The following PCDH11Y variants were observed in gnomAD, a reference collection of about 807,000 sequenced individuals.
PCDH11Y encodes protocadherin 11 Y-linked.
For synonymous variants in PCDH11Y, 9 were observed against 83.6 expected (o/e 0.11, Z 4.87); for missense variants, 12 against 224.8 (o/e 0.05, Z 6.05).
intron 2 of PCDH11Y, among the ~76,000 whole-genome samples, chrY:5,231,390 C>T (rs200951611): frequency 4.2e-4 from 14 of 33,541 alleles, no homozygotes; most frequent in Admixed American, 2.2e-3. Flanking sequence ...TTCTTGCAGA[C>T]GCATAGTGGT....
intron 3 of PCDH11Y, among the ~76,000 whole-genome samples, chrY:5,561,924 A>G: frequency 3.0e-5 from 1 of 32,933 alleles, no homozygotes; most frequent in East Asian, 8.0e-4. Context: ...TGGGGAGTCC[A>G]AGTTTTGGCT....
chrY:5,129,975 G>A, intron 2 of PCDH11Y, among the ~76,000 whole-genome samples: 1 of 33,396 alleles, frequency 3.0e-5, no homozygotes, highest in Non-Finnish European at 7.4e-5. Context: ...TCCTGTGTTA[G>A]TTTGCGAAGA....
chrY:5,150,749 C>T (rs2052863506), intron 2 of PCDH11Y, among the ~76,000 whole-genome samples: 1 of 33,474 alleles, frequency 3.0e-5, no homozygotes, highest in Non-Finnish European at 7.5e-5. Context: ...TCAATATGAT[C>T]GCAAGTTTTC....
intron 2 of PCDH11Y, among the ~76,000 whole-genome samples, chrY:5,432,957 ATTAG>A (rs2053270253): frequency 3.0e-5 from 1 of 33,379 alleles, no homozygotes; most frequent in Non-Finnish European, 7.4e-5. Flanking sequence ...TTACTGATCA[ATTAG>A]TTAGAGGACT....
chrY:5,521,122 T>C (rs2053380365), intron 3 of PCDH11Y, among the ~76,000 whole-genome samples: 18 of 33,539 alleles, frequency 5.4e-4, no homozygotes, highest in Admixed American at 8.2e-4. Context: ...ACTCTTCCCC[T>C]ACACTTTTGC....
At chrY:5,295,595 T>C (rs2053073030) in intron 2 of PCDH11Y, among the ~76,000 whole-genome samples, 1 of 32,767 alleles carries the variant, frequency 3.1e-5, no homozygotes, top group African/African-American at 1.2e-4. Context: ...TTGGCTAGAG[T>C]GGTCTCAAAC....
chrY:5,440,486 C>T, intron 2 of PCDH11Y, among the ~76,000 whole-genome samples: 2 of 30,708 alleles, frequency 6.5e-5, no homozygotes, highest in Non-Finnish European at 1.6e-4. Flanking sequence ...CATTGAAATT[C>T]AGAGGGTATC....
At chrY:5,288,511 T>A in intron 2 of PCDH11Y, among the ~76,000 whole-genome samples, 1 of 28,989 alleles carries the variant, frequency 3.4e-5, no homozygotes, top group Non-Finnish European at 8.1e-5. Context: ...GAATCTGCTG[T>A]GCTGGAGGGA....
intron 4 of PCDH11Y, among the ~76,000 whole-genome samples, chrY:5,635,593 G>A (rs2053517151): frequency 3.0e-5 from 1 of 33,722 alleles, no homozygotes; most frequent in Non-Finnish European, 7.4e-5. Context: ...CTTGATTAAC[G>A]TCTGACTTTT....
chrY:5,298,656 A>G, intron 2 of PCDH11Y, among the ~76,000 whole-genome samples: 1 of 33,712 alleles, frequency 3.0e-5, no homozygotes, highest in African/African-American at 1.1e-4. Context: ...AGATATGTTT[A>G]TAAAAGCATG....
chrY:5,549,766 G>A (rs2053416930), intron 3 of PCDH11Y, among the ~76,000 whole-genome samples: 5 of 33,495 alleles, frequency 1.5e-4, no homozygotes, highest in African/African-American at 3.5e-4. Context: ...ATATTATGCA[G>A]TCATACAAAT....
intron 2 of PCDH11Y, among the ~76,000 whole-genome samples, chrY:5,315,913 T>G: frequency 1.6e-4 from 5 of 32,069 alleles, no homozygotes; most frequent in Non-Finnish European, 3.1e-4. Flanking sequence ...ACTGCCAGTA[T>G]GGATTTGTTG....
chrY:5,440,756 TATAGAGAGAGAG>T (rs2053280391), intron 2 of PCDH11Y, among the ~76,000 whole-genome samples: 2 of 16,947 alleles, frequency 1.2e-4, no homozygotes, highest in Non-Finnish European at 1.3e-4. Context: ...TATATATATA[TATAGAGAGAGAG>T]AGAGAGAGAG....
At chrY:5,102,046 C>T, downstream of PCDH11Y, among the ~76,000 whole-genome samples, 1 of 32,789 alleles carries the variant, frequency 3.0e-5, no homozygotes, top group Non-Finnish European at 7.5e-5. Context: ...GATGTGGGTG[C>T]ATTTTTGTTA....
chrY:5,719,977 G>A (rs2124713976), intron 4 of PCDH11Y, among the ~76,000 whole-genome samples: 3 of 34,138 alleles, frequency 8.8e-5, no homozygotes, highest in African/African-American at 3.4e-4. Flanking sequence ...TCATTTTGGA[G>A]CTTTAATATT....
chrY:5,334,971 T>G (rs2053134923), intron 2 of PCDH11Y, among the ~76,000 whole-genome samples: 1 of 30,329 alleles, frequency 3.3e-5, no homozygotes, highest in Non-Finnish European at 7.9e-5. Flanking sequence ...GAGACAGGTC[T>G]ACGCCTTTCT....
chrY:5,298,022 C>T, intron 2 of PCDH11Y, among the ~76,000 whole-genome samples: 1 of 33,600 alleles, frequency 3.0e-5, no homozygotes, highest in Admixed American at 2.7e-4. Context: ...TTTAAGCCTA[C>T]GCTGAAAATG....
intron 1 of PCDH11Y, among the ~76,000 whole-genome samples, chrY:5,093,693 G>A: frequency 3.4e-5 from 1 of 29,550 alleles, no homozygotes; most frequent in Non-Finnish European, 8.1e-5. Context: ...AGTTGTTTCA[G>A]GAAATAATTT....
chrY:5,233,513 A>G (rs2052970603), intron 2 of PCDH11Y, among the ~76,000 whole-genome samples: 1 of 33,512 alleles, frequency 3.0e-5, no homozygotes, highest in Non-Finnish European at 7.4e-5. Context: ...AGAAATCGGA[A>G]CAAACAAACT....
Sources: gnomAD v4.1 joint callset for allele counts (sites outside exome capture counted in the v4.1 genomes callset) on GRCh38, gnomAD v4.1.1 for gene constraint, MANE v1.5 for transcripts, NCBI Gene and HGNC (gene_info 2026-07-23, HGNC 2026-07-21) for gene names.